CACNA1C: variants seen among roughly 807,000 people sequenced by gnomAD.
CACNA1C encodes the protein voltage-dependent L-type calcium channel subunit alpha-1C.
In CACNA1C, 30 loss-of-function variants were observed where a neutral mutation model predicts 229.0. The ratio of observed to expected loss-of-function variants is 0.13; its 90% CI spans 0.10 to 0.18. CACNA1C has a LOEUF of 0.18. Ranked by LOEUF, CACNA1C falls within the 10% of genes least tolerant of loss-of-function variation. The pLI is 1.00. For missense variants in CACNA1C, 1,658 were observed against 2,845.0 expected (o/e 0.58, Z 9.49); for synonymous variants, 1,114 against 1,132.5 (o/e 0.98, Z 0.33).
chr12:2,194,538 GT>G, intron 3 of CACNA1C, among the ~76,000 whole-genome samples: 1 of 152,190 alleles, frequency 6.6e-6, no homozygotes, highest in East Asian at 1.9e-4. Flanking sequence ...TCTGCCAAAT[GT>G]TTTTCATTGA....
rs981699219 is a variant in CACNA1C at position 2,137,056 on chromosome 12, C to A, written c.477+16626C>A. On this transcript the variant is annotated intron_variant, in intron 3 of 46. Transcript: ENST00000399655. ...GGCTCAGAGCATAACATGTGGGGGA[C>A]CCCACGGCGCCCCGCCCAGGTGAGA... 1.1e-4 allele frequency among the ~76,000 whole-genome samples: 16 copies of A among 151,290 alleles called. 1 individual carries two copies. Among genetic ancestry groups the A allele is most frequent in the Non-Finnish European group, 2.1e-4 (14 of 67,586 alleles).
chr12:2,565,904 G>A (rs970395121), intron 11 of CACNA1C, among the ~76,000 whole-genome samples: 2 of 152,156 alleles, frequency 1.3e-5, no homozygotes, highest in African/African-American at 2.4e-5. Flanking sequence ...TGTGATATTG[G>A]TCGAGTACTC....
intron 7 of CACNA1C, among the ~76,000 whole-genome samples, chr12:2,502,416 A>G (rs1307995588): frequency 5.3e-5 from 8 of 152,240 alleles, no homozygotes; most frequent in Non-Finnish European, 1.2e-4. Context: ...CACGTAATAA[A>G]TAGGTAATGA....
At chr12:2,387,293 T>C (rs1303890684) in intron 3 of CACNA1C, among the ~76,000 whole-genome samples, 2 of 152,138 alleles carry the variant, frequency 1.3e-5, no homozygotes, top group Non-Finnish European at 1.5e-5. Flanking sequence ...GAGACCAGCC[T>C]GGCCAACTTG....
chr12:2,104,507 T>C (rs7964989), intron 1 of CACNA1C, among the ~76,000 whole-genome samples: 152,280 of 152,326 alleles, frequency 1, 76,117 homozygotes, highest in Middle Eastern at 1. Flanking sequence ...ATAATCATGT[T>C]ATCTGCAAAC....
chr12:2,664,305 A>G (rs1297051957), intron 34 of CACNA1C, among the ~76,000 whole-genome samples: 1 of 152,246 alleles, frequency 6.6e-6, no homozygotes, highest in Non-Finnish European at 1.5e-5. Context: ...AAGTTGGACA[A>G]ATCCTTGGAG....
intron 13 of CACNA1C, among the ~76,000 whole-genome samples, chr12:2,574,882 T>C (rs1342689272): frequency 6.6e-6 from 1 of 152,180 alleles, no homozygotes; most frequent in East Asian, 1.9e-4. Context: ...GTCAACACAA[T>C]GGGTGGTTCT....
chr12:2,172,980 A>G (rs2154266396), intron 3 of CACNA1C, among the ~76,000 whole-genome samples: 1 of 152,318 alleles, frequency 6.6e-6, no homozygotes, highest in African/African-American at 2.4e-5. Flanking sequence ...TCTGAATGGC[A>G]GGGACGTTTG....
intron 34 of CACNA1C, among the ~76,000 whole-genome samples, chr12:2,659,592 T>C (rs1222065497): frequency 1.3e-5 from 2 of 152,014 alleles, no homozygotes; most frequent in Non-Finnish European, 2.9e-5. Context: ...AAAGAAAAAA[T>C]TCAGAGCCTG....
intron 3 of CACNA1C, among the ~76,000 whole-genome samples, chr12:2,146,526 C>T (rs1597277778): frequency 6.6e-6 from 1 of 151,146 alleles, no homozygotes; most frequent in Admixed American, 6.6e-5. Flanking sequence ...CCACTGGCGC[C>T]ACAGGAGGGG....
chr12:2,672,628 C>A (rs149237847), intron 38 of CACNA1C, among the ~76,000 whole-genome samples: 1 of 152,164 alleles, frequency 6.6e-6, no homozygotes, highest in South Asian at 2.1e-4. Flanking sequence ...CTTCAAATAG[C>A]CTCCAGGGTC....
At chr12:2,671,580 G>C (rs1429314003) in intron 38 of CACNA1C, among the ~76,000 whole-genome samples, 1 of 152,160 alleles carries the variant, frequency 6.6e-6, no homozygotes, top group Non-Finnish European at 1.5e-5. Context: ...GTGAGATTTT[G>C]TTCCCTAGAG....
intron 13 of CACNA1C, among the ~76,000 whole-genome samples, chr12:2,579,970 C>T (rs571189069): frequency 6.6e-6 from 1 of 152,186 alleles, no homozygotes; most frequent in Non-Finnish European, 1.5e-5. Context: ...GTTCTACCCC[C>T]AGAGAGGTTC....
chr12:2,413,815 A>G (rs7311607), intron 3 of CACNA1C, among the ~76,000 whole-genome samples: 51,995 of 152,108 alleles, frequency 0.34, 9,291 homozygotes, highest in Admixed American at 0.47. Context: ...TCTGTCCTTT[A>G]AGGCCCAGCT....
At chr12:2,254,756 G>A (rs1384337208) in intron 3 of CACNA1C, among the ~76,000 whole-genome samples, 2 of 152,164 alleles carry the variant, frequency 1.3e-5, no homozygotes, top group Admixed American at 1.3e-4. Flanking sequence ...CTGTGAATGG[G>A]GGACGATATA....
At chr12:2,072,337 TAC>T (rs1442605392) in intron 1 of CACNA1C, among the ~76,000 whole-genome samples, 1 of 152,134 alleles carries the variant, frequency 6.6e-6, no homozygotes, top group Non-Finnish European at 1.5e-5. Context: ...TAGCTGGGAC[TAC>T]AGGCACACGC....
intron 3 of CACNA1C, among the ~76,000 whole-genome samples, chr12:2,438,307 G>GGTGGTT (rs1215272859): frequency 6.8e-6 from 1 of 147,996 alleles, no homozygotes; most frequent in Non-Finnish European, 1.5e-5. Context: ...TGGTGGTGGT[G>GGTGGTT]GTGGTTGTGG....
intron 29 of CACNA1C, among the ~76,000 whole-genome samples, chr12:2,616,887 C>A (rs527754800): frequency 1.3e-5 from 2 of 152,234 alleles, no homozygotes; most frequent in African/African-American, 2.4e-5. Context: ...TTGCCCTGCA[C>A]GCTGGTCTCT....
rs566598399 is a variant in CACNA1C, at chr12:2,602,705, G to A, written c.2960+745G>A. Among the ~76,000 whole-genome samples, 2 of 150,494 alleles carry A rather than the reference G, an allele frequency of 1.3e-5. No individual in the cohort carries two copies. Among genetic ancestry groups the A allele is most frequent in the South Asian group, 4.2e-4 (2 of 4,768 alleles). On this transcript the variant is annotated intron_variant, in intron 22 of 46. Transcript: ENST00000399655. The surrounding 1 kb of genome is among the most constrained non-coding windows in gnomAD (Gnocchi z 4.4). The stretch of plus-strand genomic sequence containing the variant: ...TTTCACTGGTCTGGGGTACAGTCTG[G>A]GTGTGAGTTCTAAGAGCTTTCCAGG...
Sources: gnomAD v4.1 joint callset for allele counts (sites outside exome capture counted in the v4.1 genomes callset) on GRCh38, gnomAD v4.1.1 for gene constraint, Gnocchi (gnomAD v3.1) non-coding constraint, MANE v1.5 for transcripts, NCBI Gene and HGNC (gene_info 2026-07-23, HGNC 2026-07-21) for gene names.